The following NAALADL2 variants were observed in gnomAD, a reference collection of about 807,000 sequenced individuals.
NAALADL2 encodes the protein N-acetylated alpha-linked acidic dipeptidase like 2.
A neutral mutation model predicts 87.2 loss-of-function variants in NAALADL2; 76 were observed. The ratio of observed to expected loss-of-function variants is 0.87; its 90% CI spans 0.72 to 1.05. The LOEUF is 1.05. NAALADL2 is among the 50% of genes least tolerant of loss of function. The pLI is 0.00. For synonymous variants in NAALADL2, 354 were observed against 331.0 expected, an observed-to-expected ratio of 1.07 and a Z score of -0.75; for missense variants, 1,089 against 945.8, an observed-to-expected ratio of 1.15 and a Z score of -1.99.
rs78661751 is a variant in NAALADL2 at position 175,452,847 on chromosome 3, G to T, written c.1234+5475G>T. On this transcript the variant is annotated intron_variant, in intron 6 of 13. Transcript: ENST00000454872. ...GGGATCTTAAATGGAGTGAGCGTAG[G>T]GGGGAACCTATTGTCCAAAGTCCAC... Among the ~76,000 whole-genome samples the T allele has an allele frequency of 5.1e-4, 77 of 152,238 alleles. 2 individuals carry two copies. The South Asian group carries it at 7.7e-3, about 15-fold the overall frequency.
At chr3:174,724,586 A>G (rs566673383) in intron 2 of NAALADL2, among the ~76,000 whole-genome samples, 67 of 152,296 alleles carry the variant, frequency 4.4e-4, no homozygotes, top group African/African-American at 1.6e-3. Context: ...GAAAAGTCAT[A>G]TTTAATGCAC....
chr3:175,421,058 G>A (rs968718515), intron 5 of NAALADL2, among the ~76,000 whole-genome samples: 1 of 151,726 alleles, frequency 6.6e-6, no homozygotes, highest in African/African-American at 2.4e-5. Flanking sequence ...CTTGATTGTT[G>A]CATTTAGTTA....
intron 1 of NAALADL2, among the ~76,000 whole-genome samples, chr3:175,016,702 G>A (rs1750870915): frequency 1.3e-5 from 2 of 151,922 alleles, no homozygotes; most frequent in South Asian, 4.2e-4. Flanking sequence ...CCTAGAAAAG[G>A]AAAATAGCTA....
At chr3:175,300,197 T>C (rs56089682) in intron 4 of NAALADL2, among the ~76,000 whole-genome samples, 25,439 of 152,118 alleles carry the variant, frequency 0.17, 2,256 homozygotes, top group African/African-American at 0.21. Context: ...GCCAGTATTT[T>C]ATTGAGGATT....
intron 1 of NAALADL2, among the ~76,000 whole-genome samples, chr3:174,986,263 C>T (rs1745861451): frequency 7.1e-6 from 1 of 140,022 alleles, no homozygotes; most frequent in African/African-American, 2.8e-5. Context: ...TATATATACA[C>T]AATATATATA....
rs191114263 is a variant in NAALADL2 at position 175,441,517 on chromosome 3, T to G, written c.1091-5712T>G. 3.2e-3 allele frequency among the ~76,000 whole-genome samples: 481 copies of G among 152,246 alleles called. 12 individuals are homozygous for G. Among genetic ancestry groups the G allele is most frequent in the Admixed American group, 0.024 (371 of 15,286 alleles). ...CATACAAATCACCTGGGGATCTTGA[T>G]AGACTATAGATTCTGATTCAGAAGA... On this transcript the variant is annotated intron_variant, in intron 5 of 13. Transcript: ENST00000454872.
intron 1 of NAALADL2, among the ~76,000 whole-genome samples, chr3:174,961,976 G>T (rs530502030): frequency 7.8e-6 from 1 of 127,876 alleles, no homozygotes; most frequent in East Asian, 2.0e-4. Flanking sequence ...TGTAATGTGT[G>T]ATGGCATGTC....
intron 1 of NAALADL2, among the ~76,000 whole-genome samples, chr3:174,867,198 A>G (rs1418440186): frequency 6.6e-6 from 1 of 151,998 alleles, no homozygotes; most frequent in South Asian, 2.1e-4. Context: ...GTACTAATTT[A>G]AGGCAGAAAC....
At chr3:175,277,438 T>G (rs1261165752) in intron 4 of NAALADL2, among the ~76,000 whole-genome samples, 1 of 152,176 alleles carries the variant, frequency 6.6e-6, no homozygotes, top group Non-Finnish European at 1.5e-5. Context: ...AAGGTAATGG[T>G]AATGCTGTGG....
intron 2 of NAALADL2, among the ~76,000 whole-genome samples, chr3:174,657,538 A>T (rs1368369932): frequency 1.3e-5 from 2 of 152,112 alleles, no homozygotes; most frequent in African/African-American, 2.4e-5. Flanking sequence ...GATATCCCAT[A>T]TGCCTGTGCC....
intron 1 of NAALADL2, among the ~76,000 whole-genome samples, chr3:175,089,624 A>G (rs1367562981): frequency 6.6e-6 from 1 of 152,210 alleles, no homozygotes; most frequent in Non-Finnish European, 1.5e-5. Flanking sequence ...TGGATGATAC[A>G]TCACGGGGAT....
chr3:175,367,177 C>T (rs1200402382), intron 5 of NAALADL2, among the ~76,000 whole-genome samples: 8 of 151,368 alleles, frequency 5.3e-5, no homozygotes, highest in South Asian at 4.2e-4. Context: ...TGTAGATATG[C>T]GGCGTTATTT....
At chr3:175,417,766 A>G (rs1234536212) in intron 5 of NAALADL2, among the ~76,000 whole-genome samples, 1 of 152,202 alleles carries the variant, frequency 6.6e-6, no homozygotes, top group Non-Finnish European at 1.5e-5. Context: ...ACACATATTT[A>G]GTTTTATCTT....
At chr3:175,496,884 T>C (rs1456266139) in intron 9 of NAALADL2, among the ~76,000 whole-genome samples, 1 of 152,046 alleles carries the variant, frequency 6.6e-6, no homozygotes, top group Non-Finnish European at 1.5e-5. Flanking sequence ...TTGAACACTT[T>C]GTATATGTCA....
At chr3:174,917,331 C>T (rs1734551117) in intron 1 of NAALADL2, among the ~76,000 whole-genome samples, 1 of 152,054 alleles carries the variant, frequency 6.6e-6, no homozygotes, top group Admixed American at 6.6e-5. Flanking sequence ...GATTACTGTG[C>T]TTAAAATGCA....
intron 5 of NAALADL2, among the ~76,000 whole-genome samples, chr3:175,386,644 T>TA (rs1259802761): frequency 1.3e-5 from 2 of 152,226 alleles, no homozygotes; most frequent in East Asian, 3.9e-4. Context: ...AAATATTAAA[T>TA]AAAAAATTCT....
intron 1 of NAALADL2, among the ~76,000 whole-genome samples, chr3:174,873,796 T>C (rs992884323): frequency 2.6e-5 from 4 of 151,586 alleles, no homozygotes; most frequent in African/African-American, 9.7e-5. Context: ...AGCTTTTCAT[T>C]ATAATATTCG....
intron 2 of NAALADL2, among the ~76,000 whole-genome samples, chr3:174,561,231 C>T (rs1185768916): frequency 8.3e-5 from 12 of 144,700 alleles, no homozygotes; most frequent in South Asian, 4.4e-4. Flanking sequence ...GAAAGAGTCT[C>T]GCTCTGTCAC....
chr3:175,661,333 T>C (rs930139966), intron 11 of NAALADL2, among the ~76,000 whole-genome samples: 2 of 152,016 alleles, frequency 1.3e-5, no homozygotes, highest in African/African-American at 4.8e-5. Flanking sequence ...TTCACGTCTT[T>C]TTCCCATTTT....
Sources: allele counts gnomAD v4.1 joint callset (sites outside exome capture counted in the v4.1 genomes callset), GRCh38; gene constraint gnomAD v4.1.1; transcripts MANE v1.5; gene names NCBI Gene and HGNC (gene_info 2026-07-23, HGNC 2026-07-21).